VGLL4: variants seen among roughly 807,000 people sequenced by gnomAD.
The protein encoded by VGLL4 is transcription cofactor vestigial-like protein 4.
VGLL4 carries 7 observed loss-of-function variants against 21.0 expected under a neutral mutation model. That is an observed-to-expected ratio of 0.33 (90% CI 0.19 to 0.63). VGLL4 has a LOEUF of 0.63. Ranked by LOEUF, VGLL4 falls within the 20% of genes least tolerant of loss-of-function variation. VGLL4 has a pLI of 0.78. For synonymous variants in VGLL4, 222 were observed against 173.2 expected, an observed-to-expected ratio of 1.28 and a Z score of -2.21; for missense variants, 394 against 425.7, an observed-to-expected ratio of 0.93 and a Z score of 0.66.
Position 11,719,452 on chromosome 3 carries a change from G to C in VGLL4, c.-14+942C>G, listed in dbSNP as rs1431563516. The C allele has an allele frequency of 6.6e-6, 1 of 151,524 alleles. No homozygotes were observed. Among genetic ancestry groups the C allele is most frequent in the Non-Finnish European group, 1.5e-5 (1 of 67,864 alleles). 9.4% of individuals were successfully genotyped at this position (151,524 alleles called of 1,614,324 possible). A position where few individuals can be genotyped will look rare whatever the true frequency, so the allele number is the denominator to read the frequency against. On this transcript the variant is annotated intron_variant, in intron 1 of 5. Transcript: ENST00000273038. This position sits in a 1 kb window ranked among gnomAD's most constrained non-coding sequence, Gnocchi z 4.0. ...CTCTGGGCGCGCCCGCCTGGGGCCG[G>C]CCTGGCCCTGCGGGGGACCCAGGGG...
intron 1 of VGLL4, among the ~76,000 whole-genome samples, chr3:11,627,937 T>C (rs2075389575): frequency 6.6e-6 from 1 of 152,242 alleles, no homozygotes; most frequent in African/African-American, 2.4e-5. Context: ...TCTGCTGCTC[T>C]AGTGCATAGG....
chr3:11,643,950 C>T, upstream of VGLL4: 8 of 993,038 alleles, frequency 8.1e-6, no homozygotes, highest in Non-Finnish European at 9.6e-6. Context: ...GCTTCCTCTT[C>T]CCGCAGGAGG....
intron 1 of VGLL4, among the ~76,000 whole-genome samples, chr3:11,708,115 T>G (rs1344806994): frequency 6.6e-6 from 1 of 152,214 alleles, no homozygotes; most frequent in African/African-American, 2.4e-5. Flanking sequence ...CCTCTGTGTG[T>G]CTATTTCCTC....
chr3:11,582,363 GGCAA>G, intron 2 of VGLL4: 1 of 1,572,554 alleles, frequency 6.4e-7, no homozygotes, highest in Non-Finnish European at 8.6e-7. Context: ...TCACAAACTT[GGCAA>G]GCAGTCTCAG....
At chr3:11,630,737 T>G (rs1304063935) in intron 1 of VGLL4, among the ~76,000 whole-genome samples, 2 of 152,274 alleles carry the variant, frequency 1.3e-5, no homozygotes, top group East Asian at 3.9e-4. Context: ...ATAACCACTT[T>G]GGAAAACAGT....
At chr3:11,632,798 A>G (rs1389249356) in intron 1 of VGLL4, among the ~76,000 whole-genome samples, 35 of 152,140 alleles carry the variant, frequency 2.3e-4, no homozygotes, top group Admixed American at 2.3e-3. Flanking sequence ...TACACTCCAT[A>G]AAGTCAGGGA....
intron 1 of VGLL4, among the ~76,000 whole-genome samples, chr3:11,705,517 T>C (rs1024052742): frequency 2.6e-5 from 4 of 152,224 alleles, no homozygotes; most frequent in African/African-American, 9.6e-5. Context: ...ACATTCCTGA[T>C]CTTCTTTGTA....
chr3:11,558,184 G>T lies in VGLL4; in HGVS notation c.*372C>A. 3.5e-6 allele frequency: 1 copy of T among 288,208 alleles called. No homozygotes were observed. The highest frequency in any genetic ancestry group is 2.1e-5 in the African/African-American group (1 of 47,104). The allele number at this position is 288,208 out of a possible 1,614,324, so 17.9% of individuals were successfully genotyped here. A position where few individuals can be genotyped will look rare whatever the true frequency, so the allele number is the denominator to read the frequency against. ...CACACCCCGGTCTCAAGAAGCAAAG[G>T]AAAAAGCACAAAGCGTCTGAGTCAC... On this transcript the variant is annotated 3_prime_UTR_variant, in exon 5 of 5. Coordinates refer to ENST00000430365, the MANE Select transcript of VGLL4 (RefSeq NM_001128219.3).
intron 2 of VGLL4, among the ~76,000 whole-genome samples, chr3:11,601,188 C>CA (rs2074787219): frequency 6.6e-6 from 1 of 152,228 alleles, no homozygotes; most frequent in African/African-American, 2.4e-5. Flanking sequence ...TCACAAATAA[C>CA]AAAACTGAGG....
chr3:11,606,821 C>G (rs915591973), intron 1 of VGLL4, among the ~76,000 whole-genome samples: 3 of 152,172 alleles, frequency 2.0e-5, no homozygotes, highest in African/African-American at 4.8e-5. Flanking sequence ...GCAACCCACT[C>G]AAGTCCCCTT....
intron 2 of VGLL4, among the ~76,000 whole-genome samples, chr3:11,696,043 G>A (rs1459535674): frequency 6.6e-6 from 1 of 152,096 alleles, no homozygotes; most frequent in Non-Finnish European, 1.5e-5. Context: ...AGACATAGGC[G>A]ACAAAACAAC....
At chr3:11,656,176 A>G (rs1259893457) in intron 2 of VGLL4, among the ~76,000 whole-genome samples, 1 of 152,166 alleles carries the variant, frequency 6.6e-6, no homozygotes, top group Admixed American at 6.6e-5. Flanking sequence ...AGGAGGGGAG[A>G]ATAATGAGAA....
In VGLL4 at chr3:11,568,571, C is replaced by A; in HGVS notation, c.273-3552G>T. 1 of 1,554,920 alleles carries A rather than the reference C, an allele frequency of 6.4e-7. No homozygotes were observed. Among genetic ancestry groups the A allele is most frequent in the Non-Finnish European group, 8.7e-7 (1 of 1,148,312 alleles). On this transcript the variant is annotated intron_variant, in intron 2 of 4. Transcript: ENST00000430365. This position sits in a 1 kb window ranked among gnomAD's most constrained non-coding sequence, Gnocchi z 5.9. ...AGCGAGAAAAGGCCTGGAGAACTGG[C>A]TGGTTAATTTTAGTAAAATTATACA...
intron 3 of VGLL4, 99 bp downstream of exon 3, chr3:11,564,698 C>A: frequency 7.1e-7 from 1 of 1,416,062 alleles, no homozygotes. Flanking sequence ...ACCTCCCTCC[C>A]TCACCACCGC....
chr3:11,626,800 T>C (rs534000598), intron 1 of VGLL4, among the ~76,000 whole-genome samples: 3 of 152,184 alleles, frequency 2.0e-5, no homozygotes, highest in South Asian at 4.1e-4. Flanking sequence ...CCAGTCTTCC[T>C]AGCATGATAA....
intron 1 of VGLL4, among the ~76,000 whole-genome samples, chr3:11,705,829 G>A (rs1290264506): frequency 2.0e-5 from 3 of 152,040 alleles, no homozygotes; most frequent in Non-Finnish European, 4.4e-5. Flanking sequence ...GCTGAGGCAG[G>A]AGAATGGCAT....
Position 11,593,496 on chromosome 3 carries a change from C to T in VGLL4, c.272+8337G>A, listed in dbSNP as rs767037640. 4.6e-5 allele frequency among the ~76,000 whole-genome samples: 7 copies of T among 152,280 alleles called. No homozygotes were observed. In the South Asian group the frequency reaches 1.5e-3, roughly 32 times the overall value. On this transcript the variant is annotated intron_variant, in intron 2 of 4. Transcript: ENST00000430365. ...AACCTTTTGTTAAGCTGAATGAATT[C>T]GTGGTTTTGAGTTTGTTTTTCCCTC... is the stretch of plus-strand genomic sequence containing the variant.
Position 11,719,102 on chromosome 3 carries a change from C to A in VGLL4, c.-14+1292G>T, listed in dbSNP as rs1024177056. Among the ~76,000 whole-genome samples, 1 of 152,134 alleles carries A rather than the reference C, an allele frequency of 6.6e-6. No individual in the cohort carries two copies. The highest frequency in any genetic ancestry group is 1.5e-5 in the Non-Finnish European group (1 of 68,006). ...GTGCAGTCCTGTTTTGGGGACCGGG[C>A]AGGAAGCACAGGAAGAGTACGGTGC... is the stretch of plus-strand genomic sequence containing the variant. On this transcript the variant is annotated intron_variant, in intron 1 of 5. Coordinates refer to the VGLL4 transcript ENST00000273038. This position sits in a 1 kb window ranked among gnomAD's most constrained non-coding sequence, Gnocchi z 4.0.
chr3:11,666,911 C>T (rs1320926463), intron 2 of VGLL4, among the ~76,000 whole-genome samples: 6 of 152,206 alleles, frequency 3.9e-5, no homozygotes, highest in Admixed American at 2.6e-4. Flanking sequence ...CTATCTGCGG[C>T]GCCTGCTCTC....
Sources: gnomAD v4.1 joint callset for allele counts (sites outside exome capture counted in the v4.1 genomes callset) on GRCh38, gnomAD v4.1.1 for gene constraint, Gnocchi (gnomAD v3.1) non-coding constraint, MANE v1.5 for transcripts, NCBI Gene and HGNC (gene_info 2026-07-23, HGNC 2026-07-21) for gene names.